Variants in INTS2 observed in about 807,000 individuals in gnomAD.
INTS2 encodes KIAA1287.
Under a neutral mutation model 139.6 loss-of-function variants are expected in INTS2, and 57 were observed. The observed-to-expected ratio is 0.41, with a 90% CI of 0.33 to 0.51. The LOEUF (loss-of-function observed/expected upper bound fraction) is 0.51, where lower values mean the gene tolerates loss of function less well. Ranked by LOEUF, INTS2 falls within the 20% of genes least tolerant of loss-of-function variation. The probability of loss-of-function intolerance (pLI) is 0.28; values close to 1 mark genes in which losing one functional copy is unlikely to be tolerated. For synonymous variants in INTS2, 473 were observed against 493.4 expected, an observed-to-expected ratio of 0.96 and a Z score of 0.55; for missense variants, 1,196 against 1,436.7, an observed-to-expected ratio of 0.83 and a Z score of 2.71.
Position 61,891,535 on chromosome 17 carries a change from T to A in INTS2, c.1853A>T (p.Asn618Ile), listed in dbSNP as rs531763266. The change falls in exon 14 of 25, where the codon AAT becomes ATT. Residue 618 changes from asparagine (N) to isoleucine (I), a missense_variant. By Grantham distance (149) the Asn-to-Ile change is moderately radical. Transcript: ENST00000251334. ...TACCCCAATGACTCCTTGGAAAATA[T>A]TGAGTATCTCCTGTTCTGTGACTGG... ...NQPVTEQEIL[N>I]IFQGVIGGDN... 1 of 1,613,366 alleles carries A rather than the reference T, an allele frequency of 6.2e-7. No individual in the cohort carries two copies. The highest frequency in any genetic ancestry group is 8.5e-7 in the Non-Finnish European group (1 of 1,179,616).
chr17:61,878,832 C>T (rs1334903107), intron 17 of INTS2, among the ~76,000 whole-genome samples: 3 of 141,336 alleles, frequency 2.1e-5, no homozygotes, highest in African/African-American at 5.3e-5. Flanking sequence ...ACCAGGTACT[C>T]GAGAGGAAGA....
intron 14 of INTS2, 110 bp from the exon 15 acceptor site, chr17:61,890,004 C>A: frequency 1.5e-6 from 1 of 672,146 alleles, no homozygotes; most frequent in South Asian, 1.7e-5. Context: ...CTGCTCCTAA[C>A]TCAGGTAAAA....
rs564905814 is a variant in INTS2, at chr17:61,872,049, C to T, written c.2778+216G>A. 2 of 391,194 alleles carry T rather than the reference C, an allele frequency of 5.1e-6. No individual in the cohort carries two copies. Among genetic ancestry groups the T allele is most frequent in the South Asian group, 2.6e-4 (2 of 7,782 alleles). 24.2% of individuals were successfully genotyped at this position (391,194 alleles called of 1,614,324 possible). On this transcript the variant is annotated intron_variant, in intron 20 of 24. Coordinates refer to ENST00000251334, the MANE Select transcript of INTS2 (RefSeq NM_001351695.2). The surrounding 1 kb of genome is among the most constrained non-coding windows in gnomAD (Gnocchi z 4.8). ...ATAAATCTTATTTAAATGGCTATTTCATTCATATCATGAAGATTATTCCTG... is the reference window on the plus strand; with the variant it reads ...ATAAATCTTATTTAAATGGCTATTTTATTCATATCATGAAGATTATTCCTG...
In INTS2 at chr17:61,868,012, G is replaced by A. The variant is rs1252142805; in HGVS notation, c.3245-3C>T. 1 of 1,562,474 alleles carries A rather than the reference G, an allele frequency of 6.4e-7. No individual in the cohort carries two copies. The highest frequency in any genetic ancestry group is 1.4e-5 in the African/African-American group (1 of 72,288). Reference sequence around the variant, plus strand: ...ATACCGCTTAGCCTGTGTTAAAACTGTTGGAAAAAAATGAAACAATATTTT... The same window carrying A: ...ATACCGCTTAGCCTGTGTTAAAACTATTGGAAAAAAATGAAACAATATTTT... On this transcript the variant is annotated splice_polypyrimidine_tract_variant and splice_region_variant and intron_variant, in intron 23 of 24. Transcript: ENST00000251334. This position sits in a 1 kb window ranked among gnomAD's most constrained non-coding sequence, Gnocchi z 4.7.
intron 5 of INTS2, among the ~76,000 whole-genome samples, chr17:61,917,727 T>C (rs913997232): frequency 2.0e-5 from 3 of 152,112 alleles, no homozygotes; most frequent in East Asian, 1.9e-4. Context: ...CTCAGTGTCA[T>C]ACAATATACC....
At chr17:61,927,609 C>G (rs971850360) in intron 1 of INTS2, 45 bp downstream of exon 1, 4 of 1,271,838 alleles carry the variant, frequency 3.1e-6, no homozygotes, top group East Asian at 7.4e-5. Flanking sequence ...GGCTCCGACA[C>G]GGACCTAGGA....
At chr17:61,895,574 G>A (rs1280983756) in intron 11 of INTS2, among the ~76,000 whole-genome samples, 191 bp from the exon 12 acceptor site, 1 of 152,110 alleles carries the variant, frequency 6.6e-6, no homozygotes, top group Admixed American at 6.6e-5. Context: ...AATATAAAAA[G>A]CACTTAATAA....
At chr17:61,888,970 A>G (rs1444286539) in intron 15 of INTS2, among the ~76,000 whole-genome samples, 2 of 152,048 alleles carry the variant, frequency 1.3e-5, no homozygotes, top group Non-Finnish European at 2.9e-5. Flanking sequence ...GCTTGCAGTG[A>G]GCCAAGATCA....
At chr17:61,883,875 G>A (rs970740349) in intron 16 of INTS2, among the ~76,000 whole-genome samples, 11 of 151,878 alleles carry the variant, frequency 7.2e-5, no homozygotes, top group African/African-American at 2.2e-4. Context: ...TGGGCGTGGT[G>A]GCATAGGCCT....
At chr17:61,915,861 T>C (rs1182189598) in intron 5 of INTS2, among the ~76,000 whole-genome samples, 1 of 134,318 alleles carries the variant, frequency 7.4e-6, no homozygotes, top group Admixed American at 7.4e-5. Context: ...CACAAACAAA[T>C]GGAAAAACAT....
intron 3 of INTS2, among the ~76,000 whole-genome samples, chr17:61,924,272 C>T (rs1176779794): frequency 2.0e-5 from 3 of 152,146 alleles, no homozygotes; most frequent in South Asian, 2.1e-4. Flanking sequence ...TACTTCATTA[C>T]ACTTTATGGG....
rs2079714544 is a variant in INTS2, at chr17:61,926,424, T to C, written c.221A>G (p.Asn74Ser). The C allele has an allele frequency of 1.2e-6, 2 of 1,613,738 alleles. No homozygotes were observed. Among genetic ancestry groups the C allele is most frequent in the Non-Finnish European group, 1.7e-6 (2 of 1,179,806 alleles). ...CACGGACAACAATGCAACAATGGAG[T>C]TGACAGCTTCCACTCCAGAAAGAAG... ...LRLLSGVEAV[N>S]SIVALLSVDF... Residue 74 changes from asparagine (N) to serine (S), a missense_variant, in exon 2 of 25, where the codon AAC becomes AGC. This residue lies in a region of INTS2 where 31 missense variants were observed against 64.8 expected (regional missense o/e 0.48). Coordinates refer to ENST00000251334, the MANE Select transcript of INTS2 (RefSeq NM_001351695.2).
At chr17:61,901,106 T>A (rs996391201) in intron 9 of INTS2, among the ~76,000 whole-genome samples, 18 of 151,902 alleles carry the variant, frequency 1.2e-4, no homozygotes, top group Non-Finnish European at 2.6e-4. Context: ...TGAGACCCCA[T>A]CCCTACAAAA....
chr17:61,887,244 AGGCCAAGGT>A (rs1472517036), intron 15 of INTS2, among the ~76,000 whole-genome samples: 2 of 152,172 alleles, frequency 1.3e-5, no homozygotes, highest in African/African-American at 4.8e-5. Context: ...GCACTTTGGG[AGGCCAAGGT>A]GGGTGGATGA....
intron 11 of INTS2, among the ~76,000 whole-genome samples, chr17:61,896,312 G>A (rs530713624): frequency 1.5e-4 from 23 of 150,274 alleles, no homozygotes; most frequent in Middle Eastern, 3.5e-3. Flanking sequence ...TCCACATGGC[G>A]AAGTTAAATG....
intron 15 of INTS2, among the ~76,000 whole-genome samples, chr17:61,887,132 T>C (rs950555738): frequency 6.6e-6 from 1 of 152,128 alleles, no homozygotes; most frequent in Non-Finnish European, 1.5e-5. Context: ...CCCTGTAAAA[T>C]AAACGTAACC....
chr17:61,871,240 C>T lies in INTS2; in HGVS notation c.2778+1025G>A, dbSNP rs962189634. Among the ~76,000 whole-genome samples the T allele has an allele frequency of 6.6e-6, 1 of 152,164 alleles. No individual in the cohort carries two copies. The highest frequency in any genetic ancestry group is 2.4e-5 in the African/African-American group (1 of 41,432). On this transcript the variant is annotated intron_variant, in intron 20 of 24. Transcript: ENST00000251334. This position sits in a 1 kb window ranked among gnomAD's most constrained non-coding sequence, Gnocchi z 4.9. The stretch of plus-strand genomic sequence containing the variant: ...GGTTCAAGCCATTCTCCTGCCTCAG[C>T]CTCCCAAGTAGCTGGGACTACAGGT...
Position 61,875,070 on chromosome 17 carries a change from GT to G in INTS2, c.2457-33del. 1 of 1,513,462 alleles carries G rather than the reference GT, an allele frequency of 6.6e-7. No individual in the cohort carries two copies. 93.8% of individuals were successfully genotyped at this position (1,513,462 alleles called of 1,614,324 possible). A position where few individuals can be genotyped will look rare whatever the true frequency, so the allele number is the denominator to read the frequency against. ...AGAAAATAATCACATGTTCAAAACA[GT>G]TTTTTATATATTAAAATCTGTAGCC... On this transcript the variant is annotated intron_variant, in intron 18 of 24. Transcript: ENST00000251334. This position sits in a 1 kb window ranked among gnomAD's most constrained non-coding sequence, Gnocchi z 4.6.
intron 15 of INTS2, among the ~76,000 whole-genome samples, chr17:61,886,199 C>A (rs549795635): frequency 6.6e-6 from 1 of 152,132 alleles, no homozygotes; most frequent in Non-Finnish European, 1.5e-5. Flanking sequence ...TACAGGTGCC[C>A]GCCACCACGC....
Sources: allele counts gnomAD v4.1 joint callset (sites outside exome capture counted in the v4.1 genomes callset), GRCh38; gene constraint gnomAD v4.1.1; regional missense constraint gnomAD v4.1.1; non-coding constraint Gnocchi (gnomAD v3.1); transcripts MANE v1.5; gene names NCBI Gene and HGNC (gene_info 2026-07-23, HGNC 2026-07-21).